The following DPYD variants were observed in gnomAD, a reference collection of about 807,000 sequenced individuals.
The protein encoded by DPYD is dihydropyrimidine dehydrogenase.
Under a neutral mutation model 116.2 loss-of-function variants are expected in DPYD, and 109 were observed. The observed-to-expected ratio is 0.94, with a 90% CI of 0.80 to 1.10. The LOEUF (loss-of-function observed/expected upper bound fraction) is 1.10. Ranked by LOEUF, DPYD falls within the 50% of genes least tolerant of loss-of-function variation. The probability of loss-of-function intolerance (pLI) is 0.00; values close to 1 mark genes in which losing one functional copy is unlikely to be tolerated. For synonymous variants in DPYD, 440 were observed against 432.0 expected, an observed-to-expected ratio of 1.02 and a Z score of -0.23; for missense variants, 1,302 against 1,254.5, an observed-to-expected ratio of 1.04 and a Z score of -0.57.
chr1:97,768,985 A>C (rs1208315695), intron 3 of DPYD, among the ~76,000 whole-genome samples: 2 of 151,802 alleles, frequency 1.3e-5, no homozygotes, highest in African/African-American at 4.8e-5. Flanking sequence ...CACATAAAAA[A>C]CTCGAGTATT....
intron 2 of DPYD, among the ~76,000 whole-genome samples, chr1:97,860,350 C>A (rs538954505): frequency 1.3e-5 from 2 of 151,900 alleles, no homozygotes; most frequent in East Asian, 3.9e-4. Flanking sequence ...TTACTTACTA[C>A]GGGAAAACAA....
chr1:97,642,121 C>T (rs566948669), intron 8 of DPYD, among the ~76,000 whole-genome samples: 131 of 152,214 alleles, frequency 8.6e-4, no homozygotes, highest in Non-Finnish European at 1.2e-3. Flanking sequence ...AATGGAAAAA[C>T]ATTCCATGCT....
At chr1:97,883,792 C>A in intron 1 of DPYD, 1 of 438,846 alleles carries the variant, frequency 2.3e-6, no homozygotes, top group South Asian at 1.7e-5. Flanking sequence ...TCTTACAGGC[C>A]CCTAAAGAAA....
At chr1:97,905,678 C>G (rs567364057) in intron 1 of DPYD, among the ~76,000 whole-genome samples, 14 of 152,084 alleles carry the variant, frequency 9.2e-5, no homozygotes, top group African/African-American at 3.1e-4. Flanking sequence ...GGATTAGACG[C>G]CATTCATACC....
chr1:97,328,383 G>A (rs1267325762), intron 16 of DPYD, among the ~76,000 whole-genome samples: 1 of 152,078 alleles, frequency 6.6e-6, no homozygotes, highest in African/African-American at 2.4e-5. Context: ...GCGAAAACCA[G>A]TCACTATATA....
At chr1:97,235,611 G>A (rs555422244) in intron 18 of DPYD, among the ~76,000 whole-genome samples, 1 of 151,028 alleles carries the variant, frequency 6.6e-6, no homozygotes, top group Non-Finnish European at 1.5e-5. Context: ...GTGACAGAGT[G>A]AGACTCTGTC....
intron 20 of DPYD, among the ~76,000 whole-genome samples, chr1:97,101,976 A>G (rs1199131383): frequency 1.3e-5 from 2 of 152,028 alleles, no homozygotes; most frequent in Non-Finnish European, 2.9e-5. Context: ...AACTGTCTCT[A>G]TCCAGATATA....
chr1:97,223,162 T>C (rs776211132), intron 19 of DPYD, among the ~76,000 whole-genome samples: 5 of 152,080 alleles, frequency 3.3e-5, no homozygotes, highest in African/African-American at 7.2e-5. Flanking sequence ...TTTAATAAAA[T>C]AATACATTTC....
At chr1:97,821,126 T>C (rs1272316854) in intron 3 of DPYD, among the ~76,000 whole-genome samples, 1 of 150,772 alleles carries the variant, frequency 6.6e-6, no homozygotes, top group Admixed American at 6.6e-5. Context: ...AGGTCAGGAG[T>C]TCGAGAGCAG....
chr1:97,770,948 GA>G (rs1293848148), intron 3 of DPYD, among the ~76,000 whole-genome samples: 1 of 152,056 alleles, frequency 6.6e-6, no homozygotes, highest in Non-Finnish European at 1.5e-5. Flanking sequence ...TCTAACATAT[GA>G]AAAAATGTGT....
chr1:97,676,525 T>C (rs1660154526), intron 8 of DPYD, among the ~76,000 whole-genome samples: 1 of 152,312 alleles, frequency 6.6e-6, no homozygotes, highest in Non-Finnish European at 1.5e-5. Flanking sequence ...TGTTTTACCC[T>C]CTATTGTTTT....
intron 16 of DPYD, among the ~76,000 whole-genome samples, chr1:97,360,280 C>T (rs1461483160): frequency 6.6e-6 from 1 of 152,160 alleles, no homozygotes; most frequent in African/African-American, 2.4e-5. Flanking sequence ...AATACAGGAG[C>T]ACCCAGATTC....
chr1:97,501,430 A>G (rs993347964), intron 13 of DPYD, among the ~76,000 whole-genome samples: 3 of 152,030 alleles, frequency 2.0e-5, no homozygotes, highest in African/African-American at 7.2e-5. Context: ...GGCCTGGTGC[A>G]GTGACGCACA....
chr1:97,464,213 T>C (rs1199300076), intron 13 of DPYD, among the ~76,000 whole-genome samples: 1 of 149,090 alleles, frequency 6.7e-6, no homozygotes, highest in African/African-American at 2.5e-5. Flanking sequence ...CACTCCAGCC[T>C]GGGCAACAGA....
intron 16 of DPYD, among the ~76,000 whole-genome samples, chr1:97,356,847 C>T (rs1240835453): frequency 6.6e-6 from 1 of 152,182 alleles, no homozygotes; most frequent in African/African-American, 2.4e-5. Flanking sequence ...AGGTTCACTG[C>T]TGAGTTTTCC....
chr1:97,574,204 G>T (rs944940742), intron 10 of DPYD, among the ~76,000 whole-genome samples: 1 of 152,080 alleles, frequency 6.6e-6, no homozygotes, highest in African/African-American at 2.4e-5. Context: ...GCATCATAAG[G>T]TATTTCTCAA....
chr1:97,153,965 G>A (rs546790814), intron 20 of DPYD, among the ~76,000 whole-genome samples: 5 of 130,400 alleles, frequency 3.8e-5, no homozygotes, highest in African/African-American at 1.5e-4. Context: ...TGCAAGAATG[G>A]CCATGATCAA....
rs55971861 is a variant in DPYD, at chr1:97,382,461, T to G, written c.1906A>C (p.Ile636Leu). ...CTGCACATAATGCTAGCAATCACAA[T>G]CTTTAAAAAGAAAAACAAAAGAATA... is the stretch of plus-strand genomic sequence containing the variant. ...TELKADFPDN[I>L]VIASIMCSYN... Residue 636 changes from isoleucine to leucine, a missense_variant and splice_region_variant, in exon 15 of 23, where the codon ATT (isoleucine) becomes CTT (leucine). Coordinates refer to ENST00000370192, the MANE Select transcript of DPYD (RefSeq NM_000110.4). 127 of 1,578,966 alleles carry G rather than the reference T, an allele frequency of 8.0e-5. No homozygotes were observed. In the African/African-American group the frequency reaches 1.5e-3, roughly 19 times the overall value.
chr1:97,896,810 GT>G (rs1467042376), intron 1 of DPYD, among the ~76,000 whole-genome samples: 1 of 151,736 alleles, frequency 6.6e-6, no homozygotes, highest in Admixed American at 6.6e-5. Context: ...ACAATATGTT[GT>G]TTTTTTGTAA....
Sources: gnomAD v4.1 joint callset for allele counts (sites outside exome capture counted in the v4.1 genomes callset) on GRCh38, gnomAD v4.1.1 for gene constraint, MANE v1.5 for transcripts, NCBI Gene and HGNC (gene_info 2026-07-23, HGNC 2026-07-21) for gene names.